FSTL4: variants seen among roughly 807,000 people sequenced by gnomAD.
FSTL4 encodes the protein follistatin-related protein 4.
Under a neutral mutation model 78.2 loss-of-function variants are expected in FSTL4, and 28 were observed. That is an observed-to-expected ratio of 0.36 (90% CI 0.27 to 0.49). The LOEUF (loss-of-function observed/expected upper bound fraction) is 0.49. Among genes scored for constraint, FSTL4 ranks in the 20% least tolerant of loss-of-function variants. FSTL4 has a pLI of 0.98. For synonymous variants in FSTL4, 422 were observed against 440.5 expected (o/e 0.96, Z 0.53); for missense variants, 922 against 1,084.9 (o/e 0.85, Z 2.11).
intron 4 of FSTL4, among the ~76,000 whole-genome samples, chr5:133,380,126 A>G (rs990170034): frequency 6.6e-6 from 1 of 152,112 alleles, no homozygotes; most frequent in African/African-American, 2.4e-5. Context: ...TCACCATAAC[A>G]CATAGTAAAA....
At chr5:133,756,854 A>G in the FSTL4 span, among the ~76,000 whole-genome samples, 2 of 152,146 alleles carry the variant, frequency 1.3e-5, no homozygotes, top group Non-Finnish European at 1.5e-5. Flanking sequence ...GTCCTCTGGC[A>G]TGGATAATGC....
chr5:133,214,073 C>A (rs988838066), intron 13 of FSTL4, among the ~76,000 whole-genome samples: 1 of 151,960 alleles, frequency 6.6e-6, no homozygotes, highest in Non-Finnish European at 1.5e-5. Context: ...TAGAACTTTG[C>A]GAAATATAGT....
At chr5:133,357,593 A>AT (rs1408625721) in intron 4 of FSTL4, among the ~76,000 whole-genome samples, 1 of 152,178 alleles carries the variant, frequency 6.6e-6, no homozygotes, top group Non-Finnish European at 1.5e-5. Flanking sequence ...GCAAAATGGA[A>AT]TTCTTCCCAA....
chr5:133,541,571 T>G (rs460129), intron 3 of FSTL4, among the ~76,000 whole-genome samples: 1 of 152,038 alleles, frequency 6.6e-6, no homozygotes, highest in Admixed American at 6.5e-5. Context: ...GTAAGAAGAA[T>G]ATGTGAAATG....
At chr5:133,366,637 C>T (rs761297655) in intron 4 of FSTL4, among the ~76,000 whole-genome samples, 1 of 152,024 alleles carries the variant, frequency 6.6e-6, no homozygotes, top group African/African-American at 2.4e-5. Context: ...AGGAAACCCT[C>T]TGGTGACTCA....
chr5:133,526,350 G>T (rs560460304), intron 3 of FSTL4, among the ~76,000 whole-genome samples: 4 of 152,218 alleles, frequency 2.6e-5, no homozygotes, highest in African/African-American at 7.2e-5. Flanking sequence ...TGAACAGGAG[G>T]GAACTGAGAA....
At chr5:133,671,902 A>C in the FSTL4 span, among the ~76,000 whole-genome samples, 1 of 152,212 alleles carries the variant, frequency 6.6e-6, no homozygotes, top group Non-Finnish European at 1.5e-5. Context: ...TAAGAACGTA[A>C]AGTACATTGA....
intron 14 of FSTL4, chr5:133,208,011 ATT>A (rs2126768105): frequency 6.6e-6 from 1 of 152,174 alleles, no homozygotes; most frequent in Non-Finnish European, 1.5e-5. Context: ...AATTTCTTTC[ATT>A]GTCTCTCTCC....
the FSTL4 span, among the ~76,000 whole-genome samples, chr5:133,690,909 T>G: frequency 1.3e-5 from 2 of 152,182 alleles, no homozygotes; most frequent in African/African-American, 2.4e-5. Context: ...GCTGTCACGT[T>G]TCCTCCACCC....
the FSTL4 span, among the ~76,000 whole-genome samples, chr5:133,670,892 C>G: frequency 3.9e-5 from 6 of 152,206 alleles, no homozygotes; most frequent in African/African-American, 1.4e-4. Flanking sequence ...AATTCCATAT[C>G]TACACCTTTT....
chr5:133,444,278 T>C (rs1757217549), intron 3 of FSTL4, among the ~76,000 whole-genome samples: 1 of 152,204 alleles, frequency 6.6e-6, no homozygotes, highest in African/African-American at 2.4e-5. Flanking sequence ...AGACCGTTCA[T>C]GATTTCATGA....
chr5:133,240,007 T>A (rs1230313680), intron 7 of FSTL4, among the ~76,000 whole-genome samples: 1 of 152,244 alleles, frequency 6.6e-6, no homozygotes, highest in Non-Finnish European at 1.5e-5. Context: ...CTGGGATTCC[T>A]TTCCACGCAG....
At chr5:133,503,602 C>T (rs1466190583) in intron 3 of FSTL4, among the ~76,000 whole-genome samples, 1 of 152,218 alleles carries the variant, frequency 6.6e-6, no homozygotes, top group Admixed American at 6.5e-5. Flanking sequence ...GGTAGACCTT[C>T]TTCTCTTCAG....
At chr5:133,660,547 T>C in the FSTL4 span, among the ~76,000 whole-genome samples, 1 of 152,190 alleles carries the variant, frequency 6.6e-6, no homozygotes, top group Non-Finnish European at 1.5e-5. Flanking sequence ...CCATGGTGCT[T>C]GTGCTCAGCA....
intron 3 of FSTL4, among the ~76,000 whole-genome samples, chr5:133,540,720 C>CAAAAAAAAAAAAAAAAAAAAA (rs79162509): frequency 7.1e-5 from 5 of 70,254 alleles, no homozygotes; most frequent in African/African-American, 5.7e-5. Flanking sequence ...TTAACATAGG[C>CAAAAAAAAAAAAAAAAAAAAA]AAAAAAAAAA....
At chr5:133,219,855 G>A (rs1751034768) in intron 12 of FSTL4, among the ~76,000 whole-genome samples, 1 of 152,336 alleles carries the variant, frequency 6.6e-6, no homozygotes, top group East Asian at 1.9e-4. Flanking sequence ...CTAATTGCTG[G>A]AACTCTTTCT....
upstream of FSTL4, among the ~76,000 whole-genome samples, chr5:133,614,472 AGT>A (rs1193338956): frequency 6.6e-6 from 1 of 152,222 alleles, no homozygotes; most frequent in African/African-American, 2.4e-5. Context: ...ATAAAATAAG[AGT>A]GAAATTAAAA....
intron 4 of FSTL4, among the ~76,000 whole-genome samples, chr5:133,381,601 C>T (rs993507398): frequency 1.3e-5 from 2 of 152,222 alleles, no homozygotes; most frequent in African/African-American, 4.8e-5. Flanking sequence ...ATTTCTAAAG[C>T]ACAGCCTAAT....
the FSTL4 span, among the ~76,000 whole-genome samples, chr5:133,737,167 A>G: frequency 6.6e-6 from 1 of 151,990 alleles, no homozygotes; most frequent in South Asian, 2.1e-4. Context: ...AGTAGGTTTT[A>G]TTCATTCTTT....
Sources: gnomAD v4.1 joint callset for allele counts (sites outside exome capture counted in the v4.1 genomes callset) on GRCh38, gnomAD v4.1.1 for gene constraint, MANE v1.5 for transcripts, NCBI Gene and HGNC (gene_info 2026-07-23, HGNC 2026-07-21) for gene names.